CALN1: variants seen among roughly 807,000 people sequenced by gnomAD.
The protein encoded by CALN1 is calcium-binding protein 8.
CALN1 carries 17 observed loss-of-function variants against 30.6 expected under a neutral mutation model. The ratio of observed to expected loss-of-function variants is 0.56; its 90% CI spans 0.38 to 0.83. The LOEUF (loss-of-function observed/expected upper bound fraction) is 0.83, where lower values mean the gene tolerates loss of function less well. Ranked by LOEUF, CALN1 falls within the 40% of genes least tolerant of loss-of-function variation. The pLI, the probability that CALN1 is intolerant of heterozygous loss-of-function variation, is 0.00. For synonymous variants in CALN1, 156 were observed against 131.4 expected (o/e 1.19, Z -1.28); for missense variants, 291 against 354.9 (o/e 0.82, Z 1.45).
the CALN1 span, among the ~76,000 whole-genome samples, chr7:72,502,698 A>G: frequency 6.6e-5 from 10 of 152,166 alleles, no homozygotes; most frequent in Non-Finnish European, 1.2e-4. Context: ...TCTTCCCAAT[A>G]TAGTTATAAT....
chr7:72,343,852 G>A (rs1056817977), intron 2 of CALN1, among the ~76,000 whole-genome samples: 1 of 152,046 alleles, frequency 6.6e-6, no homozygotes, highest in Non-Finnish European at 1.5e-5. Context: ...CAAATCTAGG[G>A]CGGTAAAATC....
At chr7:72,252,179 A>ACCT (rs1795606057) in intron 3 of CALN1, among the ~76,000 whole-genome samples, 1 of 151,772 alleles carries the variant, frequency 6.6e-6, no homozygotes, top group African/African-American at 2.4e-5. Flanking sequence ...AGTTAATCTC[A>ACCT]CCTCTATTCT....
intron 3 of CALN1, among the ~76,000 whole-genome samples, chr7:72,172,496 C>G (rs1250214692): frequency 6.6e-6 from 1 of 152,100 alleles, no homozygotes; most frequent in Non-Finnish European, 1.5e-5. Context: ...AACTCCAGAC[C>G]AATAACTCTA....
At chr7:71,878,854 G>A (rs1240662694) in intron 5 of CALN1, among the ~76,000 whole-genome samples, 1 of 152,222 alleles carries the variant, frequency 6.6e-6, no homozygotes, top group African/African-American at 2.4e-5. Context: ...GTGACCCAGA[G>A]ACCACAGCCG....
At chr7:71,992,075 A>G (rs1798982865) in intron 5 of CALN1, among the ~76,000 whole-genome samples, 1 of 152,064 alleles carries the variant, frequency 6.6e-6, no homozygotes, top group South Asian at 2.1e-4. Flanking sequence ...AAAGCACATC[A>G]GGGAAGACCC....
intron 6 of CALN1, among the ~76,000 whole-genome samples, chr7:71,793,562 A>G (rs138944699): frequency 6.6e-6 from 1 of 152,014 alleles, no homozygotes; most frequent in Non-Finnish European, 1.5e-5. Context: ...TCATCTATAA[A>G]ATGGGATAAT....
chr7:71,920,539 G>A (rs1427762416), intron 5 of CALN1, among the ~76,000 whole-genome samples: 4 of 151,918 alleles, frequency 2.6e-5, no homozygotes, highest in Admixed American at 1.3e-4. Context: ...GTTTCACCGT[G>A]TTAGCCAGGA....
At chr7:72,323,436 G>A (rs536678263) in intron 2 of CALN1, among the ~76,000 whole-genome samples, 2 of 152,212 alleles carry the variant, frequency 1.3e-5, no homozygotes, top group South Asian at 2.1e-4. Flanking sequence ...CTCCACGGGC[G>A]ATTGCCTGAG....
At chr7:72,421,118 A>T (rs879819891) in intron 1 of CALN1, among the ~76,000 whole-genome samples, 20 of 151,980 alleles carry the variant, frequency 1.3e-4, no homozygotes, top group Non-Finnish European at 2.2e-4. Flanking sequence ...TTCCTTTCTT[A>T]AAAAAATGGT....
intron 5 of CALN1, among the ~76,000 whole-genome samples, chr7:72,010,497 G>A (rs545290139): frequency 6.6e-6 from 1 of 152,260 alleles, no homozygotes; most frequent in Admixed American, 6.5e-5. Context: ...CATACTGGCA[G>A]AAAGGGGTTA....
At chr7:72,388,728 G>A (rs1461044050) in intron 2 of CALN1, among the ~76,000 whole-genome samples, 2 of 152,146 alleles carry the variant, frequency 1.3e-5, no homozygotes, top group East Asian at 1.9e-4. Flanking sequence ...CATGGCTTAA[G>A]CATCCTGCTT....
At chr7:72,140,589 T>C (rs376419552) in intron 3 of CALN1, among the ~76,000 whole-genome samples, 2 of 152,212 alleles carry the variant, frequency 1.3e-5, no homozygotes, top group African/African-American at 2.4e-5. Flanking sequence ...CACCCCAACC[T>C]TGGCAGGCAG....
chr7:71,936,921 C>A (rs939914942), intron 5 of CALN1, among the ~76,000 whole-genome samples: 1 of 151,406 alleles, frequency 6.6e-6, no homozygotes, highest in African/African-American at 2.5e-5. Context: ...GTATCTCCCT[C>A]ATTTTCTCTT....
the CALN1 span, among the ~76,000 whole-genome samples, chr7:72,488,193 C>T: frequency 1.3e-4 from 20 of 151,360 alleles, no homozygotes; most frequent in Non-Finnish European, 2.8e-4. Flanking sequence ...TAACAAGACC[C>T]TATCTGTACA....
Position 71,786,498 on chromosome 7 carries a change from G to A in CALN1, c.*1277C>T, listed in dbSNP as rs1792985639. ...CTTGGATTCAGTTCTCTTCCCCAAC[G>A]AAAAGTATTCTGCAGGCAGGAGTAA... On this transcript the variant is annotated 3_prime_UTR_variant, in exon 7 of 7. Transcript: ENST00000395275. 6.6e-6 allele frequency: 1 copy of A among 152,134 alleles called. No individual in the cohort carries two copies. Among genetic ancestry groups the A allele is most frequent in the African/African-American group, 2.4e-5 (1 of 41,428 alleles). 9.4% of individuals were successfully genotyped at this position (152,134 alleles called of 1,614,324 possible).
intron 3 of CALN1, among the ~76,000 whole-genome samples, chr7:72,142,503 C>A (rs543771475): frequency 6.6e-6 from 1 of 152,328 alleles, no homozygotes; most frequent in South Asian, 2.1e-4. Context: ...CCCACTGCAG[C>A]TCAAGGAGGC....
chr7:71,909,664 T>G (rs1039940036), intron 5 of CALN1, among the ~76,000 whole-genome samples: 2 of 152,192 alleles, frequency 1.3e-5, no homozygotes, highest in Non-Finnish European at 2.9e-5. Context: ...TTTGTGGTGT[T>G]TCAAGTTGCA....
At chr7:72,442,355 C>T (rs371408491) in intron 1 of CALN1, among the ~76,000 whole-genome samples, 1 of 152,226 alleles carries the variant, frequency 6.6e-6, no homozygotes, top group African/African-American at 2.4e-5. Context: ...CTTACAACGC[C>T]TCCAAGAGTT....
intron 2 of CALN1, among the ~76,000 whole-genome samples, chr7:72,290,809 T>C (rs1469112897): frequency 6.6e-6 from 1 of 152,236 alleles, no homozygotes; most frequent in East Asian, 1.9e-4. Flanking sequence ...TTCATTTACA[T>C]GACTGTATTT....
Sources: gnomAD v4.1 joint callset for allele counts (sites outside exome capture counted in the v4.1 genomes callset) on GRCh38, gnomAD v4.1.1 for gene constraint, MANE v1.5 for transcripts, NCBI Gene and HGNC (gene_info 2026-07-23, HGNC 2026-07-21) for gene names.